CAPG: variants seen among roughly 807,000 people sequenced by gnomAD.
CAPG encodes macrophage-capping protein.
CAPG carries 32 observed loss-of-function variants against 44.6 expected under a neutral mutation model. The observed-to-expected ratio is 0.72, with a 90% CI of 0.54 to 0.96. The LOEUF (loss-of-function observed/expected upper bound fraction) is 0.96. Ranked by LOEUF, CAPG falls within the 50% of genes least tolerant of loss-of-function variation. The pLI is 0.00. For synonymous variants in CAPG, 175 were observed against 179.6 expected (o/e 0.97, Z 0.20); for missense variants, 412 against 438.3 (o/e 0.94, Z 0.54).
intron 5 of CAPG, among the ~76,000 whole-genome samples, chr2:85,400,558 C>T (rs538127733): frequency 3.9e-5 from 6 of 152,340 alleles, no homozygotes; most frequent in South Asian, 2.1e-4. Flanking sequence ...CCCAGTCTCA[C>T]TAGACCCCTG....
rs755285701 is a variant in CAPG, at chr2:85,401,916, T to C, written c.65A>G (p.His22Arg). ...CTTCAGCTTCTCCACCCGCCACACA[T>C]GCAGGCCTGGATCCTGCACTGAGCC... ...FPGSVQDPGL[H>R]VWRVEKLKPV... Residue 22 changes from histidine (H) to arginine (R), a missense_variant, in exon 3 of 10, where the codon CAT (histidine) becomes CGT (arginine). Transcript: ENST00000263867. 5.6e-6 allele frequency: 9 copies of C among 1,613,558 alleles called. No homozygotes were observed. The African/African-American group carries it at 1.2e-4, about 22-fold the overall frequency.
intron 8 of CAPG, 144 bp downstream of exon 8, chr2:85,397,876 G>C (rs926683016): frequency 6.2e-6 from 5 of 812,706 alleles, no homozygotes; most frequent in Non-Finnish European, 7.9e-6. Flanking sequence ...AATTTTTAAA[G>C]AGAGAAAATG....
intron 1 of CAPG, among the ~76,000 whole-genome samples, chr2:85,404,237 T>C (rs1031814092): frequency 8.0e-6 from 1 of 125,752 alleles, no homozygotes; most frequent in South Asian, 2.4e-4. Context: ...CTGTCAATTA[T>C]AAATTTAAAA....
chr2:85,408,346 A>G (rs1401393298), intron 1 of CAPG, among the ~76,000 whole-genome samples: 2 of 143,142 alleles, frequency 1.4e-5, no homozygotes, highest in African/African-American at 5.4e-5. Flanking sequence ...TGTCACACAC[A>G]CACACACACA....
chr2:85,395,641 G>A lies in CAPG; in HGVS notation c.893-15C>T. On this transcript the variant is annotated splice_polypyrimidine_tract_variant and intron_variant, in intron 8 of 9. Transcript: ENST00000263867. This position sits in a 1 kb window ranked among gnomAD's most constrained non-coding sequence, Gnocchi z 4.3. ...CGCTTTTCGCCCTAGATCATAGGAA[G>A]GAGATTTTTAAAAAGAGCAGGGACC... The A allele has an allele frequency of 2.5e-6, 4 of 1,604,522 alleles. No individual in the cohort carries two copies. The highest frequency in any genetic ancestry group is 3.4e-6 in the Non-Finnish European group (4 of 1,173,192).
Position 85,395,489 on chromosome 2 carries a change from C to T in CAPG, c.981+49G>A. ...CTGGCCAATTTGAGGGGTCAGGGGC[C>T]ACAGGAAGAGCCCTAGGAAGAGGGC... On this transcript the variant is annotated intron_variant, in intron 9 of 9. Transcript: ENST00000263867. The surrounding 1 kb of genome is among the most constrained non-coding windows in gnomAD (Gnocchi z 4.3). 6.6e-7 allele frequency: 1 copy of T among 1,507,110 alleles called. No individual in the cohort carries two copies. The highest frequency in any genetic ancestry group is 1.7e-4 in the Middle Eastern group (1 of 5,868). The allele number at this position is 1,507,110 out of a possible 1,614,324, so 93.4% of individuals were successfully genotyped here.
chr2:85,394,469 TG>T (rs1213218873), downstream of CAPG, among the ~76,000 whole-genome samples: 7 of 152,238 alleles, frequency 4.6e-5, no homozygotes, highest in Non-Finnish European at 8.8e-5. Context: ...CTGCCTTAAA[TG>T]GAACTGCATC....
intron 8 of CAPG, among the ~76,000 whole-genome samples, chr2:85,397,485 C>A (rs963711327): frequency 1.2e-4 from 18 of 146,424 alleles, no homozygotes; most frequent in African/African-American, 4.6e-4. Flanking sequence ...GAGGCCGGTG[C>A]ATCACTTGAG....
chr2:85,399,393 A>G, intron 5 of CAPG, 108 bp from the exon 6 acceptor site: 2 of 1,227,254 alleles, frequency 1.6e-6, no homozygotes, highest in Non-Finnish European at 2.3e-6. Context: ...ACTGTCCCTG[A>G]GGCAGGACAA....
chr2:85,395,044 G>A lies in CAPG; in HGVS notation c.982-86C>T, dbSNP rs1686522136. 9 of 923,276 alleles carry A rather than the reference G, an allele frequency of 9.7e-6. No homozygotes were observed. The highest frequency in any genetic ancestry group is 1.6e-5 in the Non-Finnish European group (9 of 565,086). 57.2% of individuals were successfully genotyped at this position (923,276 alleles called of 1,614,324 possible). ...GAGGACAGGAGGGGGCCAGAGCCAGGGAGGAGGGTGTGGGCGCCTGGCCTG... is the reference window on the plus strand; with the variant it reads ...GAGGACAGGAGGGGGCCAGAGCCAGAGAGGAGGGTGTGGGCGCCTGGCCTG... On this transcript the variant is annotated intron_variant, in intron 9 of 9. Transcript: ENST00000263867. This position sits in a 1 kb window ranked among gnomAD's most constrained non-coding sequence, Gnocchi z 4.3.
At chr2:85,410,832 A>AT (rs942312397), upstream of CAPG, among the ~76,000 whole-genome samples, 27 of 146,138 alleles carry the variant, frequency 1.8e-4, no homozygotes, top group Admixed American at 6.8e-5. Context: ...CAAGTATTTG[A>AT]TTTTTTTTAA....
chr2:85,407,519 C>T (rs1364154338), intron 1 of CAPG, among the ~76,000 whole-genome samples: 1 of 151,820 alleles, frequency 6.6e-6, no homozygotes, highest in African/African-American at 2.4e-5. Context: ...TCAAGACCAG[C>T]CTGGGCAACA....
rs559204635 is a variant in CAPG at position 85,395,114 on chromosome 2, A to G, written c.982-156T>C. Among the ~76,000 whole-genome samples the G allele has an allele frequency of 6.6e-6, 1 of 152,318 alleles. No individual in the cohort carries two copies. The highest frequency in any genetic ancestry group is 2.1e-4 in the South Asian group (1 of 4,828). On this transcript the variant is annotated intron_variant, in intron 9 of 9. Transcript: ENST00000263867. This position sits in a 1 kb window ranked among gnomAD's most constrained non-coding sequence, Gnocchi z 4.3. ...CTGGGAAAGCTCCCCTGGATGAGCC[A>G]TGAGATGAGAACCAAGATTTCAGGG... is the stretch of plus-strand genomic sequence containing the variant.
chr2:85,397,440 G>C (rs1177106609), intron 8 of CAPG, among the ~76,000 whole-genome samples: 1 of 152,198 alleles, frequency 6.6e-6, no homozygotes, highest in Non-Finnish European at 1.5e-5. Flanking sequence ...GCGAGGCAGT[G>C]GCTCACATCT....
Position 85,401,265 on chromosome 2 carries a change from A to T in CAPG, c.416T>A (p.Leu139His), listed in dbSNP as rs139719975. ...GTTCTTCTTCCCCTTCACCTGGTAG[A>T]GTTTCTTGATGGCAGCTGGGGCTCC... ...STGAPAAIKK[L>H]YQVKGKKNIR... Residue 139 changes from leucine to histidine, a missense_variant, in exon 5 of 10, where the codon CTC (leucine) becomes CAC (histidine). Physicochemically the swap from Leu to His is moderately conservative, Grantham distance 99 (BLOSUM62 -3). Coordinates refer to ENST00000263867, the MANE Select transcript of CAPG (RefSeq NM_001747.4). 6.2e-7 allele frequency: 1 copy of T among 1,613,946 alleles called. No homozygotes were observed.
chr2:85,404,667 G>C (rs1687063326), intron 1 of CAPG, among the ~76,000 whole-genome samples: 2 of 152,092 alleles, frequency 1.3e-5, no homozygotes, highest in Non-Finnish European at 2.9e-5. Context: ...AGAATTGCTT[G>C]AACCCAGGAG....
downstream of CAPG, among the ~76,000 whole-genome samples, chr2:85,393,652 C>T (rs183034649): frequency 1.4e-4 from 21 of 152,196 alleles, no homozygotes; most frequent in Non-Finnish European, 2.2e-4. Context: ...GCAACCTCTA[C>T]CTCCCGGGTT....
At chr2:85,404,753 A>T (rs1168987725) in intron 1 of CAPG, among the ~76,000 whole-genome samples, 1 of 151,838 alleles carries the variant, frequency 6.6e-6, no homozygotes, top group African/African-American at 2.4e-5. Context: ...GTCTCAAAAA[A>T]ATAAAATAAA....
intron 1 of CAPG, among the ~76,000 whole-genome samples, chr2:85,403,276 C>G (rs1686990793): frequency 1.3e-5 from 2 of 152,142 alleles, no homozygotes; most frequent in African/African-American, 2.4e-5. Flanking sequence ...TTCAAAGACA[C>G]AAATTATGAA....
Sources: allele counts gnomAD v4.1 joint callset (sites outside exome capture counted in the v4.1 genomes callset), GRCh38; gene constraint gnomAD v4.1.1; non-coding constraint Gnocchi (gnomAD v3.1); transcripts MANE v1.5; gene names NCBI Gene and HGNC (gene_info 2026-07-23, HGNC 2026-07-21).